The following FUT8 variants were observed in gnomAD, a reference collection of about 807,000 sequenced individuals.
The protein encoded by FUT8 is alpha-(1,6)-fucosyltransferase.
In FUT8, 29 loss-of-function variants were observed where a neutral mutation model predicts 71.3. That is an observed-to-expected ratio of 0.41 (90% confidence interval 0.30 to 0.55). FUT8 has a LOEUF of 0.55. Among genes scored for constraint, FUT8 ranks in the 20% least tolerant of loss-of-function variants. FUT8 has a pLI of 0.34. For synonymous variants in FUT8, 254 were observed against 239.3 expected, an observed-to-expected ratio of 1.06 and a Z score of -0.57; for missense variants, 544 against 702.1, an observed-to-expected ratio of 0.77 and a Z score of 2.55.
intron 2 of FUT8, among the ~76,000 whole-genome samples, chr14:65,539,544 G>A (rs1884552059): frequency 1.3e-5 from 2 of 152,140 alleles, no homozygotes; most frequent in Admixed American, 1.3e-4. Context: ...ACGACTCTGG[G>A]CAAGTTACTA....
intron 7 of FUT8, among the ~76,000 whole-genome samples, chr14:65,676,651 A>G (rs1483502815): frequency 2.3e-5 from 3 of 131,412 alleles, no homozygotes; most frequent in Non-Finnish European, 4.6e-5. Context: ...TCCTTTTGTA[A>G]GTATTTGGGT....
At chr14:65,598,205 T>G (rs1888095712) in intron 3 of FUT8, among the ~76,000 whole-genome samples, 2 of 152,132 alleles carry the variant, frequency 1.3e-5, no homozygotes, top group Admixed American at 1.3e-4. Context: ...TCATACAGTT[T>G]GGCTGTATTT....
intron 2 of FUT8, among the ~76,000 whole-genome samples, chr14:65,560,356 ATTT>A (rs1399044781): frequency 6.6e-6 from 1 of 151,966 alleles, no homozygotes; most frequent in Non-Finnish European, 1.5e-5. Flanking sequence ...AGAAAAAAAA[ATTT>A]TTATAGAGAT....
At chr14:65,497,710 T>C (rs1431394579) in intron 2 of FUT8, among the ~76,000 whole-genome samples, 2 of 151,974 alleles carry the variant, frequency 1.3e-5, no homozygotes, top group African/African-American at 4.8e-5. Context: ...ATATTAAAAT[T>C]TATAAAATAC....
At chr14:65,400,807 C>A in the FUT8 span, among the ~76,000 whole-genome samples, 3 of 152,042 alleles carry the variant, frequency 2.0e-5, no homozygotes, top group Non-Finnish European at 4.4e-5. Context: ...ACTGCTTGAG[C>A]CTGGGAGGTT....
intron 1 of FUT8, chr14:65,430,373 A>T (rs1422928914): frequency 1.3e-5 from 2 of 152,172 alleles, no homozygotes; most frequent in South Asian, 2.1e-4. Flanking sequence ...TTATTTTAAA[A>T]GTCCCACTGA....
chr14:65,728,689 C>T (rs1180862371), intron 9 of FUT8, among the ~76,000 whole-genome samples: 3 of 150,884 alleles, frequency 2.0e-5, no homozygotes, highest in African/African-American at 7.3e-5. Flanking sequence ...GTTTAGATAA[C>T]ACAAATAGTT....
chr14:65,633,579 G>A (rs900511377), intron 6 of FUT8, among the ~76,000 whole-genome samples: 7 of 150,436 alleles, frequency 4.7e-5, no homozygotes, highest in East Asian at 2.0e-4. Context: ...AGTGAGGAGC[G>A]TCTCTGCCCG....
chr14:65,552,433 A>G (rs1166238395), intron 2 of FUT8, among the ~76,000 whole-genome samples: 2 of 152,208 alleles, frequency 1.3e-5, no homozygotes, highest in Non-Finnish European at 1.5e-5. Flanking sequence ...ATAGTGTTGT[A>G]TAGATTTAGG....
chr14:65,409,664 T>G (rs1238426703), upstream of FUT8, among the ~76,000 whole-genome samples: 1 of 152,236 alleles, frequency 6.6e-6, no homozygotes, highest in African/African-American at 2.4e-5. The surrounding 1 kb of genome is among the most constrained non-coding windows in gnomAD (Gnocchi z 5.4). Flanking sequence ...ACTTTAACTT[T>G]CATTTTGATC....
chr14:65,610,525 G>A (rs1203373143), intron 3 of FUT8, among the ~76,000 whole-genome samples: 3 of 151,712 alleles, frequency 2.0e-5, no homozygotes, highest in Non-Finnish European at 4.4e-5. Context: ...GAGTAGCTGG[G>A]ATTACAGGCA....
intron 2 of FUT8, among the ~76,000 whole-genome samples, chr14:65,554,045 A>G (rs374774224): frequency 9.2e-5 from 14 of 152,048 alleles, no homozygotes; most frequent in Admixed American, 4.6e-4. Flanking sequence ...CCTGCACTAG[A>G]TCATTGGATA....
chr14:65,695,251 A>G (rs1443994291), intron 7 of FUT8, among the ~76,000 whole-genome samples: 1 of 152,186 alleles, frequency 6.6e-6, no homozygotes, highest in Non-Finnish European at 1.5e-5. Context: ...ACTGATAGAC[A>G]GGTATTGAAG....
At chr14:65,665,279 A>T (rs918590730) in intron 6 of FUT8, among the ~76,000 whole-genome samples, 1 of 152,222 alleles carries the variant, frequency 6.6e-6, no homozygotes, top group African/African-American at 2.4e-5. Flanking sequence ...TTCTTTTAAG[A>T]TAATTTGAGT....
At chr14:65,531,943 A>G (rs575453529) in intron 2 of FUT8, among the ~76,000 whole-genome samples, 1 of 152,324 alleles carries the variant, frequency 6.6e-6, no homozygotes, top group South Asian at 2.1e-4. Context: ...ACTGCAAAGT[A>G]CATGATCTCA....
intron 7 of FUT8, among the ~76,000 whole-genome samples, chr14:65,692,601 G>T (rs532357766): frequency 6.6e-6 from 1 of 150,662 alleles, no homozygotes; most frequent in Non-Finnish European, 1.5e-5. Context: ...CTGGCTGGGC[G>T]GGGGGCTGAC....
chr14:65,606,881 AAAC>A (rs769118893), intron 3 of FUT8, among the ~76,000 whole-genome samples: 15 of 152,012 alleles, frequency 9.9e-5, no homozygotes, highest in East Asian at 7.7e-4. Flanking sequence ...TCAATTTGGG[AAAC>A]AACTACTTCT....
the FUT8 span, among the ~76,000 whole-genome samples, chr14:65,373,852 G>A: frequency 6.6e-6 from 1 of 152,166 alleles, no homozygotes; most frequent in South Asian, 2.1e-4. Context: ...GCCACCATCC[G>A]TCCGTCTTTC....
chr14:65,649,377 C>A (rs992420989), intron 6 of FUT8, among the ~76,000 whole-genome samples: 1 of 152,038 alleles, frequency 6.6e-6, no homozygotes, highest in East Asian at 1.9e-4. Context: ...GAGTGATAGC[C>A]GAACTTGCTG....
Sources: allele counts gnomAD v4.1 joint callset (sites outside exome capture counted in the v4.1 genomes callset), GRCh38; gene constraint gnomAD v4.1.1; non-coding constraint Gnocchi (gnomAD v3.1); transcripts MANE v1.5; gene names NCBI Gene and HGNC (gene_info 2026-07-23, HGNC 2026-07-21).